Variants in OSBPL1A observed in about 807,000 individuals in gnomAD.
OSBPL1A encodes oxysterol-binding protein-related protein 1.
In OSBPL1A, 80 loss-of-function variants were observed where a neutral mutation model predicts 137.1. That is an observed-to-expected ratio of 0.58 (90% confidence interval 0.49 to 0.70). OSBPL1A has a LOEUF of 0.70. Ranked by LOEUF, OSBPL1A falls within the 30% of genes least tolerant of loss-of-function variation. The pLI is 0.00. For synonymous variants in OSBPL1A, 365 were observed against 389.7 expected, an observed-to-expected ratio of 0.94 and a Z score of 0.75; for missense variants, 970 against 1,129.4, an observed-to-expected ratio of 0.86 and a Z score of 2.02.
intron 2 of OSBPL1A, among the ~76,000 whole-genome samples, chr18:24,375,709 G>GATCAGC (rs1906058578): frequency 6.6e-6 from 1 of 152,144 alleles, no homozygotes; most frequent in African/African-American, 2.4e-5. Flanking sequence ...AGTCTGATCT[G>GATCAGC]TTAATCTACT....
At chr18:24,367,177 A>T (rs2091714812) in intron 3 of OSBPL1A, among the ~76,000 whole-genome samples, 1 of 151,860 alleles carries the variant, frequency 6.6e-6, no homozygotes, top group South Asian at 2.1e-4. Flanking sequence ...CAGGAGAATC[A>T]TCTGAGCCCA....
intron 17 of OSBPL1A, among the ~76,000 whole-genome samples, chr18:24,198,882 G>C (rs2087123661): frequency 6.7e-6 from 1 of 148,982 alleles, no homozygotes; most frequent in Admixed American, 6.8e-5. Context: ...TTTTGAGAGA[G>C]AGTCACACTC....
chr18:24,170,233 TA>T (rs755101408), intron 24 of OSBPL1A, 93 bp downstream of exon 24: 2 of 1,413,410 alleles, frequency 1.4e-6, no homozygotes, highest in East Asian at 4.6e-5. Flanking sequence ...AGAAGAAAGT[TA>T]AACTGTGACC....
At chr18:24,209,100 A>G (rs992560947) in intron 17 of OSBPL1A, among the ~76,000 whole-genome samples, 5 of 152,238 alleles carry the variant, frequency 3.3e-5, no homozygotes, top group African/African-American at 4.8e-5. Context: ...GTTCAAACAA[A>G]GAAGAAATTA....
At chr18:24,373,033 T>G (rs1905792254) in intron 2 of OSBPL1A, among the ~76,000 whole-genome samples, 1 of 152,030 alleles carries the variant, frequency 6.6e-6, no homozygotes, top group Non-Finnish European at 1.5e-5. Flanking sequence ...CACCCTGCAC[T>G]CCAGCCTGGG....
chr18:24,330,475 A>G (rs2091056181), intron 7 of OSBPL1A, among the ~76,000 whole-genome samples: 1 of 152,002 alleles, frequency 6.6e-6, no homozygotes, highest in Admixed American at 6.6e-5. Flanking sequence ...TAAAGTATTT[A>G]GAGATAAAAC....
chr18:24,250,412 G>A (rs536650832), intron 15 of OSBPL1A, among the ~76,000 whole-genome samples: 451 of 152,270 alleles, frequency 3.0e-3, no homozygotes, highest in African/African-American at 0.011. Flanking sequence ...CTGACCTCAT[G>A]TGATCCACCC....
chr18:24,377,631 T>C (rs1172321011), intron 1 of OSBPL1A, 96 bp from the exon 2 acceptor site: 7 of 1,256,118 alleles, frequency 5.6e-6, no homozygotes, highest in South Asian at 1.6e-5. Context: ...AATCCTCATT[T>C]TGCAGCTGAT....
chr18:24,388,820 A>C (rs1599742380), intron 1 of OSBPL1A, among the ~76,000 whole-genome samples: 2 of 149,462 alleles, frequency 1.3e-5, no homozygotes, highest in South Asian at 4.2e-4. Flanking sequence ...AAAAAAAAAA[A>C]ACCAAAAATA....
intron 14 of OSBPL1A, among the ~76,000 whole-genome samples, chr18:24,282,395 GTT>G (rs2089979075): frequency 6.6e-6 from 1 of 152,122 alleles, no homozygotes; most frequent in African/African-American, 2.4e-5. Context: ...TTGGACCACT[GTT>G]TGGCATAAGT....
chr18:24,293,542 A>C lies in OSBPL1A; in HGVS notation c.1174+10095T>G, dbSNP rs1193760436. On this transcript the variant is annotated intron_variant, in intron 14 of 27. Transcript: ENST00000319481. Reference sequence around the variant, plus strand: ...ACGAGGAGGAGCAAACCAGCGCAGGAGGCCAGGAAAATCCTCTGTGTGCAG... The same window carrying C: ...ACGAGGAGGAGCAAACCAGCGCAGGCGGCCAGGAAAATCCTCTGTGTGCAG... Among the ~76,000 whole-genome samples, 3 of 152,212 alleles carry C rather than the reference A, an allele frequency of 2.0e-5. No homozygotes were observed. The East Asian group carries it at 5.8e-4, about 29-fold the overall frequency.
intron 18 of OSBPL1A, among the ~76,000 whole-genome samples, chr18:24,191,518 A>C (rs9948490): frequency 0.59 from 88,761 of 150,594 alleles, 27,277 homozygotes; most frequent in Non-Finnish European, 0.69. Flanking sequence ...CAATTGAAAA[A>C]AATTTTCACT....
rs1322265855 is a variant in OSBPL1A, at chr18:24,318,854, A to G, written c.626-45T>C. 4 of 1,482,124 alleles carry G rather than the reference A, an allele frequency of 2.7e-6. No individual in the cohort carries two copies. The South Asian group carries it at 3.5e-5, about 13-fold the overall frequency. The allele number at this position is 1,482,124 out of a possible 1,614,324, so 91.8% of individuals were successfully genotyped here. ...AAAAAGCCATCAACAGCTTAAATGT[A>G]CTATGACAATCAATGCTGTAACTGC... On this transcript the variant is annotated intron_variant, in intron 7 of 27. Coordinates refer to ENST00000319481, the MANE Select transcript of OSBPL1A (RefSeq NM_080597.4).
At chr18:24,317,548 AG>A in intron 9 of OSBPL1A, 148 bp from the exon 10 acceptor site, 3 of 679,640 alleles carry the variant, frequency 4.4e-6, no homozygotes, top group Non-Finnish European at 7.8e-6. Context: ...ACATGAACTT[AG>A]GTACTAAGTG....
chr18:24,300,867 C>T (rs2090386990), intron 14 of OSBPL1A, among the ~76,000 whole-genome samples: 1 of 152,136 alleles, frequency 6.6e-6, no homozygotes, highest in African/African-American at 2.4e-5. Flanking sequence ...ACCCAGGCTG[C>T]AGTGCAATCA....
chr18:24,343,293 C>T (rs561835952), intron 4 of OSBPL1A, among the ~76,000 whole-genome samples: 1 of 152,082 alleles, frequency 6.6e-6, no homozygotes, highest in Non-Finnish European at 1.5e-5. Flanking sequence ...ACACAAAAGA[C>T]TCAGCACAAA....
chr18:24,321,789 C>T (rs1198673490), intron 7 of OSBPL1A: 1 of 455,954 alleles, frequency 2.2e-6, no homozygotes, highest in Non-Finnish European at 4.5e-6. Context: ...GGCATGATAT[C>T]TGGAATTGTT....
chr18:24,220,598 G>A (rs905434125), intron 17 of OSBPL1A, among the ~76,000 whole-genome samples: 5 of 152,020 alleles, frequency 3.3e-5, no homozygotes, highest in African/African-American at 1.2e-4. Context: ...ACTGCTCCTG[G>A]GTTCTCTGAA....
chr18:24,302,660 G>A (rs2090425314), intron 14 of OSBPL1A: 1 of 152,164 alleles, frequency 6.6e-6, no homozygotes, highest in Admixed American at 6.6e-5. Flanking sequence ...GACCTCAGGT[G>A]ATCCACCGCC....
Sources: allele counts gnomAD v4.1 joint callset (sites outside exome capture counted in the v4.1 genomes callset), GRCh38; gene constraint gnomAD v4.1.1; transcripts MANE v1.5; gene names NCBI Gene and HGNC (gene_info 2026-07-23, HGNC 2026-07-21).